Variants in NEK6 observed in about 807,000 individuals in gnomAD.
NEK6 encodes the protein serine/threonine-protein kinase Nek6.
In NEK6, 27 loss-of-function variants were observed where a neutral mutation model predicts 43.5. That is an observed-to-expected ratio of 0.62 (90% confidence interval 0.46 to 0.86). The LOEUF (loss-of-function observed/expected upper bound fraction) is 0.86. Ranked by LOEUF, NEK6 falls within the 40% of genes least tolerant of loss-of-function variation. The pLI is 0.00. For missense variants in NEK6, 318 were observed against 414.4 expected (o/e 0.77, Z 2.02); for synonymous variants, 167 against 164.1 (o/e 1.02, Z -0.14).
In NEK6 at chr9:124,352,783, T is replaced by G. The variant is rs1830331934; in HGVS notation, c.*1836T>G. On this transcript the variant is annotated 3_prime_UTR_variant, in exon 10 of 10. Transcript: ENST00000320246. ...AGATTTTTCTGATTCCAGACCAACTTTTTGCCAACATTCTGCTTCCAGCTC... is the reference window on the plus strand; with the variant it reads ...AGATTTTTCTGATTCCAGACCAACTGTTTGCCAACATTCTGCTTCCAGCTC... 6.6e-6 allele frequency: 1 copy of G among 151,148 alleles called. No individual in the cohort carries two copies. The highest frequency in any genetic ancestry group is 1.5e-5 in the Non-Finnish European group (1 of 68,140). 9.4% of individuals were successfully genotyped at this position (151,148 alleles called of 1,614,324 possible).
chr9:124,303,061 T>A (rs1833077292), intron 2 of NEK6, among the ~76,000 whole-genome samples: 1 of 152,124 alleles, frequency 6.6e-6, no homozygotes, highest in South Asian at 2.1e-4. Flanking sequence ...CTTGCGGGCC[T>A]AGGGAGCCCA....
intron 8 of NEK6, among the ~76,000 whole-genome samples, chr9:124,346,037 C>T (rs972292133): frequency 1.3e-5 from 2 of 152,184 alleles, no homozygotes; most frequent in Non-Finnish European, 2.9e-5. Context: ...GGGTTTCAGG[C>T]TCCACATGGG....
chr9:124,281,406 G>A (rs1477392575), intron 1 of NEK6, among the ~76,000 whole-genome samples: 1 of 151,350 alleles, frequency 6.6e-6, no homozygotes, highest in Non-Finnish European at 1.5e-5. Flanking sequence ...AGGGCCGTGT[G>A]AAGTCTTCCG....
intron 8 of NEK6, among the ~76,000 whole-genome samples, chr9:124,344,520 G>C (rs1829815235): frequency 6.6e-6 from 1 of 152,260 alleles, no homozygotes; most frequent in African/African-American, 2.4e-5. Flanking sequence ...AACATGGAGT[G>C]AATCATGACT....
intron 2 of NEK6, among the ~76,000 whole-genome samples, chr9:124,303,187 C>T (rs1306607674): frequency 3.3e-5 from 5 of 152,194 alleles, no homozygotes; most frequent in African/African-American, 1.2e-4. Context: ...CTGTAGGGTC[C>T]TGTGGCCAGC....
At chr9:124,260,163 C>A (rs1281722909) in intron 1 of NEK6, among the ~76,000 whole-genome samples, 1 of 152,138 alleles carries the variant, frequency 6.6e-6, no homozygotes, top group Admixed American at 6.5e-5. Flanking sequence ...GTCACCTGCC[C>A]AGCCTCACAG....
At chr9:124,264,852 G>T (rs919308343) in intron 1 of NEK6, among the ~76,000 whole-genome samples, 2 of 143,762 alleles carry the variant, frequency 1.4e-5, no homozygotes, top group Non-Finnish European at 3.0e-5. Flanking sequence ...GTTCTGCAAA[G>T]AATGGCACCT....
At chr9:124,346,257 G>A (rs1829918989) in intron 8 of NEK6, among the ~76,000 whole-genome samples, 1 of 152,208 alleles carries the variant, frequency 6.6e-6, no homozygotes, top group Admixed American at 6.5e-5. Flanking sequence ...ATGGTGCCAG[G>A]CTCTGAAGCT....
chr9:124,331,921 C>T (rs947051478), intron 7 of NEK6, among the ~76,000 whole-genome samples: 1 of 152,374 alleles, frequency 6.6e-6, no homozygotes, highest in Admixed American at 6.5e-5. Context: ...ATGATCCTGT[C>T]AGTCCCTCGG....
chr9:124,266,986 G>A (rs1831256252), intron 1 of NEK6, among the ~76,000 whole-genome samples: 1 of 152,198 alleles, frequency 6.6e-6, no homozygotes. Flanking sequence ...CCCCTTCCCT[G>A]CCGAGGCAGC....
intron 4 of NEK6, among the ~76,000 whole-genome samples, chr9:124,317,263 C>G (rs1833864917): frequency 1.3e-5 from 2 of 152,146 alleles, no homozygotes; most frequent in Admixed American, 1.3e-4. Context: ...TCTTTCTTTC[C>G]TTTTTTGATA....
chr9:124,304,654 T>TAC (rs1389806856), intron 2 of NEK6, among the ~76,000 whole-genome samples: 1 of 152,172 alleles, frequency 6.6e-6, no homozygotes, highest in Non-Finnish European at 1.5e-5. Context: ...AGCTGGATAA[T>TAC]ACCCCCAGTG....
Position 124,347,628 on chromosome 9 carries a change from A to G in NEK6, c.718-81A>G, listed in dbSNP as rs1023738032. ...GACCAGAGAGAACCCATGCCCCAAC[A>G]ATCTGGAGCAGCCTCCTCCTCTCTA... On this transcript the variant is annotated intron_variant, in intron 8 of 9. Transcript: ENST00000320246. 16 of 864,308 alleles carry G rather than the reference A, an allele frequency of 1.9e-5. No individual in the cohort carries two copies. In the South Asian group the frequency reaches 2.5e-4, roughly 13 times the overall value. 53.5% of individuals were successfully genotyped at this position (864,308 alleles called of 1,614,324 possible). A position where few individuals can be genotyped will look rare whatever the true frequency, so the allele number is the denominator to read the frequency against.
chr9:124,291,924 T>A, intron 1 of NEK6: 1 of 985,312 alleles, frequency 1.0e-6, no homozygotes, highest in South Asian at 4.7e-5. Context: ...GGGACCGGAG[T>A]CTTGGGAAGG....
At chr9:124,336,036 T>G (rs1829273785) in intron 7 of NEK6, among the ~76,000 whole-genome samples, 1 of 152,088 alleles carries the variant, frequency 6.6e-6, no homozygotes, top group African/African-American at 2.4e-5. Context: ...GTCAAGAGTT[T>G]GAGACCAGCC....
intron 8 of NEK6, among the ~76,000 whole-genome samples, chr9:124,344,216 GCCC>G (rs1371855896): frequency 6.6e-6 from 1 of 152,052 alleles, no homozygotes. Flanking sequence ...CCTGGATAAT[GCCC>G]CCATCTCAGG....
chr9:124,281,774 C>T (rs768970830), intron 1 of NEK6, among the ~76,000 whole-genome samples: 2 of 152,198 alleles, frequency 1.3e-5, no homozygotes, highest in African/African-American at 2.4e-5. Flanking sequence ...GCTGGGATTA[C>T]AGGCGTAAGC....
intron 1 of NEK6, among the ~76,000 whole-genome samples, chr9:124,284,391 G>T (rs927023079): frequency 1.4e-4 from 21 of 152,264 alleles, no homozygotes; most frequent in African/African-American, 5.1e-4. Context: ...GACTGATGGA[G>T]TCCTTGGGGA....
At chr9:124,347,675 G>A (rs139081713) in intron 8 of NEK6, 34 bp from the exon 9 acceptor site, 21 of 1,421,736 alleles carry the variant, frequency 1.5e-5, no homozygotes, top group South Asian at 6.3e-5. Flanking sequence ...CCTTGAGGCC[G>A]AAAGCTTATC....
Sources: allele counts gnomAD v4.1 joint callset (sites outside exome capture counted in the v4.1 genomes callset), GRCh38; gene constraint gnomAD v4.1.1; transcripts MANE v1.5; gene names NCBI Gene and HGNC (gene_info 2026-07-23, HGNC 2026-07-21).